Variants in STAU2 observed in about 807,000 individuals in gnomAD.
STAU2 encodes staufen double-stranded RNA binding protein 2.
In STAU2, 20 loss-of-function variants were observed where a neutral mutation model predicts 65.9. The ratio of observed to expected loss-of-function variants is 0.30; its 90% CI spans 0.21 to 0.44. The LOEUF (loss-of-function observed/expected upper bound fraction) is 0.44, where lower values mean the gene tolerates loss of function less well. Among genes scored for constraint, STAU2 ranks in the 20% least tolerant of loss-of-function variants. The pLI is 1.00. For missense variants in STAU2, 558 were observed against 683.9 expected (o/e 0.82, Z 2.05); for synonymous variants, 232 against 233.9 (o/e 0.99, Z 0.07).
intron 13 of STAU2, chr8:73,549,600 C>T: frequency 5.1e-6 from 5 of 971,556 alleles, no homozygotes; most frequent in Non-Finnish European, 6.1e-6. Context: ...GTTAAAACAA[C>T]TTTGTTTTCA....
chr8:73,536,953 C>T (rs1806222099), intron 13 of STAU2, among the ~76,000 whole-genome samples: 1 of 152,158 alleles, frequency 6.6e-6, no homozygotes, highest in Admixed American at 6.5e-5. Flanking sequence ...AGGCAATCAT[C>T]AGATGCCAAC....
At chr8:73,602,993 T>C (rs1791014856) in intron 10 of STAU2, among the ~76,000 whole-genome samples, 1 of 152,172 alleles carries the variant, frequency 6.6e-6, no homozygotes, top group South Asian at 2.1e-4. Context: ...GCAAAAATCT[T>C]AATAACTGTT....
At chr8:73,462,308 G>A (rs1388867611) in intron 13 of STAU2, among the ~76,000 whole-genome samples, 3 of 151,666 alleles carry the variant, frequency 2.0e-5, no homozygotes, top group African/African-American at 7.3e-5. Flanking sequence ...TGGCATGTTG[G>A]CCAGGCTGGT....
chr8:73,469,360 C>T (rs149603087), intron 13 of STAU2, among the ~76,000 whole-genome samples: 1,522 of 151,316 alleles, frequency 0.01, 31 homozygotes, highest in African/African-American at 0.035. Flanking sequence ...ATGTAAAGGA[C>T]GAGTTAATGG....
intron 6 of STAU2, among the ~76,000 whole-genome samples, chr8:73,658,934 C>CAAAAAAAAAAAAAAAAAAAAAAAAAAA (rs72251012): frequency 1.0e-5 from 1 of 96,734 alleles, no homozygotes. Context: ...ACAACAACAA[C>CAAAAAAAAAAAAAAAAAAAAAAAAAAA]AAAAACAACA....
chr8:73,446,838 G>T (rs957709070), intron 13 of STAU2, among the ~76,000 whole-genome samples: 2 of 152,072 alleles, frequency 1.3e-5, no homozygotes, highest in African/African-American at 4.8e-5. Flanking sequence ...TTAAAGGAAA[G>T]TCCCCCATAC....
intron 3 of STAU2, among the ~76,000 whole-genome samples, chr8:73,727,108 T>C (rs1805696766): frequency 1.3e-5 from 2 of 152,096 alleles, no homozygotes; most frequent in African/African-American, 4.8e-5. Flanking sequence ...CAGGTGCCTG[T>C]AATCCCAGCT....
intron 3 of STAU2, chr8:73,732,861 A>C (rs957177444): frequency 6.6e-6 from 1 of 152,146 alleles, no homozygotes; most frequent in Non-Finnish European, 1.5e-5. Flanking sequence ...AGCCAACAGC[A>C]ATATTAATAG....
At chr8:73,678,428 T>C (rs535047768) in intron 5 of STAU2, among the ~76,000 whole-genome samples, 88 of 152,308 alleles carry the variant, frequency 5.8e-4, no homozygotes, top group Non-Finnish European at 1.0e-3. Flanking sequence ...CCTCATAGTA[T>C]TCCCTCTGGC....
intron 3 of STAU2, among the ~76,000 whole-genome samples, chr8:73,717,662 T>C (rs1821347639): frequency 6.7e-6 from 1 of 149,460 alleles, no homozygotes. Flanking sequence ...GTTGTTGTTG[T>C]TTTGAGACGG....
At chr8:73,545,402 G>A (rs1806836437) in intron 13 of STAU2, among the ~76,000 whole-genome samples, 1 of 152,008 alleles carries the variant, frequency 6.6e-6, no homozygotes, top group African/African-American at 2.4e-5. Flanking sequence ...AAATTTGGAA[G>A]TTTTTCAAGT....
chr8:73,537,462 C>A (rs553793319), intron 13 of STAU2, among the ~76,000 whole-genome samples: 19 of 152,240 alleles, frequency 1.2e-4, no homozygotes, highest in African/African-American at 4.6e-4. Context: ...TAAGAAAAAT[C>A]TTGAAAGAAG....
chr8:73,441,764 A>G (rs1818156386), intron 13 of STAU2, among the ~76,000 whole-genome samples: 1 of 152,258 alleles, frequency 6.6e-6, no homozygotes, highest in Non-Finnish European at 1.5e-5. Context: ...TGATGTTTAA[A>G]GACTAATCCG....
intron 6 of STAU2, chr8:73,651,692 A>AC: frequency 2.2e-6 from 1 of 461,786 alleles, no homozygotes; most frequent in Admixed American, 3.3e-5. Context: ...CTGGCGTACC[A>AC]CCCCCCAAAG....
intron 5 of STAU2, among the ~76,000 whole-genome samples, chr8:73,685,580 G>C (rs191172839): frequency 1.3e-5 from 2 of 152,002 alleles, no homozygotes; most frequent in African/African-American, 2.4e-5. Flanking sequence ...GTTTCACCGT[G>C]TTAGCCAGGA....
At position 73,556,931 on chromosome 8, in the gene STAU2, A is replaced by G. The variant is rs1807826530; in HGVS notation, c.1223-4612T>C. On this transcript the variant is annotated intron_variant, in intron 12 of 14. Coordinates refer to ENST00000524300, the MANE Select transcript of STAU2 (RefSeq NM_001164380.2). ...TATTATACTTCAATTATACCTCAAT[A>G]AAGTTGTAAAAAAAAATTGCCAATT... 2.0e-5 allele frequency among the ~76,000 whole-genome samples: 3 copies of G among 150,854 alleles called. No homozygotes were observed. In the South Asian group the frequency reaches 6.3e-4, roughly 32 times the overall value.
intron 4 of STAU2, among the ~76,000 whole-genome samples, chr8:73,689,124 A>G (rs987494432): frequency 6.6e-6 from 1 of 152,224 alleles, no homozygotes. Context: ...TCCTCACAAA[A>G]GCAGAATAAG....
chr8:73,540,491 T>A (rs1806471920), intron 13 of STAU2, among the ~76,000 whole-genome samples: 1 of 152,220 alleles, frequency 6.6e-6, no homozygotes, highest in Admixed American at 6.5e-5. Flanking sequence ...CAATCCATTG[T>A]GTTTTTATGT....
At chr8:73,507,691 T>G (rs1358142851) in intron 13 of STAU2, among the ~76,000 whole-genome samples, 1 of 152,210 alleles carries the variant, frequency 6.6e-6, no homozygotes, top group Non-Finnish European at 1.5e-5. Flanking sequence ...CATTGACTTC[T>G]CCTTTCTAGC....
Sources: allele counts gnomAD v4.1 joint callset (sites outside exome capture counted in the v4.1 genomes callset), GRCh38; gene constraint gnomAD v4.1.1; transcripts MANE v1.5; gene names NCBI Gene and HGNC (gene_info 2026-07-23, HGNC 2026-07-21).